Variants in PTPRD observed in about 807,000 individuals in gnomAD.
The protein encoded by PTPRD is protein tyrosine phosphatase receptor type D, also known as receptor-type tyrosine-protein phosphatase delta.
In PTPRD, 34 loss-of-function variants were observed where a neutral mutation model predicts 214.5. The ratio of observed to expected loss-of-function variants is 0.16; its 90% CI spans 0.12 to 0.21. The LOEUF is 0.21. Ranked by LOEUF, PTPRD falls within the 10% of genes least tolerant of loss-of-function variation. The pLI is 1.00. For missense variants in PTPRD, 2,545 were observed against 2,398.7 expected (o/e 1.06, Z -1.27); for synonymous variants, 1,128 against 845.7 (o/e 1.33, Z -5.79).
At chr9:9,050,744 C>T (rs966375055) in intron 10 of PTPRD, among the ~76,000 whole-genome samples, 14 of 152,040 alleles carry the variant, frequency 9.2e-5, no homozygotes, top group South Asian at 2.1e-4. Context: ...ACTATTATAA[C>T]GCTTGTGTTC....
chr9:8,378,781 C>T (rs1179121219), intron 37 of PTPRD, among the ~76,000 whole-genome samples: 1 of 151,894 alleles, frequency 6.6e-6, no homozygotes, highest in Non-Finnish European at 1.5e-5. Flanking sequence ...AACTGGGACT[C>T]GATTACATTT....
chr9:10,161,563 T>G (rs1280735392), intron 3 of PTPRD, among the ~76,000 whole-genome samples: 3 of 151,700 alleles, frequency 2.0e-5, no homozygotes, highest in Non-Finnish European at 3.0e-5. Flanking sequence ...GATTTGCAAA[T>G]CTTAATCGAA....
chr9:10,368,045 G>A (rs2097545504), intron 2 of PTPRD, among the ~76,000 whole-genome samples: 1 of 152,000 alleles, frequency 6.6e-6, no homozygotes, highest in African/African-American at 2.4e-5. Flanking sequence ...TTAGAAATAA[G>A]CTAGGGCTAT....
chr9:9,918,702 CAG>C (rs58081229), intron 5 of PTPRD, among the ~76,000 whole-genome samples: 4,810 of 152,098 alleles, frequency 0.032, 117 homozygotes, highest in African/African-American at 0.076. Context: ...GGCATAAAAA[CAG>C]AAAGAGACCA....
chr9:10,472,463 T>C (rs890813545), intron 2 of PTPRD, among the ~76,000 whole-genome samples: 1 of 152,136 alleles, frequency 6.6e-6, no homozygotes, highest in African/African-American at 2.4e-5. Context: ...GGATGTCTGG[T>C]AAAGCCATTC....
intron 21 of PTPRD, among the ~76,000 whole-genome samples, chr9:8,514,557 T>C (rs1236147178): frequency 6.6e-6 from 1 of 151,972 alleles, no homozygotes; most frequent in Non-Finnish European, 1.5e-5. Context: ...CTAAATGTTT[T>C]CATGTACTTC....
intron 3 of PTPRD, among the ~76,000 whole-genome samples, chr9:10,195,284 G>C (rs2099393462): frequency 6.6e-6 from 1 of 151,972 alleles, no homozygotes; most frequent in African/African-American, 2.4e-5. Flanking sequence ...GGAAAAGGAA[G>C]GTAATGATTG....
At position 9,868,896 on chromosome 9, in the gene PTPRD, T is replaced by C. The variant is rs147755049; in HGVS notation, c.-368+69611A>G. On this transcript the variant is annotated intron_variant, in intron 5 of 45. Coordinates refer to ENST00000381196, the MANE Select transcript of PTPRD (RefSeq NM_002839.4). ...TAAGAGAAAAAGTCTGAAATCAAAATTCCTTTATGTAAGAAAGATATCCTT... is the reference window on the plus strand; with the variant it reads ...TAAGAGAAAAAGTCTGAAATCAAAACTCCTTTATGTAAGAAAGATATCCTT... Among the ~76,000 whole-genome samples the C allele has an allele frequency of 6.2e-3, 938 of 152,166 alleles. 11 individuals carry two copies. The highest frequency in any genetic ancestry group is 0.022 in the African/African-American group (895 of 41,530).
intron 5 of PTPRD, among the ~76,000 whole-genome samples, chr9:9,798,348 G>A (rs2099017224): frequency 1.3e-5 from 2 of 152,100 alleles, no homozygotes; most frequent in African/African-American, 2.4e-5. Flanking sequence ...AGAAACCTGT[G>A]TATTTTTACG....
intron 2 of PTPRD, among the ~76,000 whole-genome samples, chr9:10,587,743 G>A (rs1340261635): frequency 6.6e-6 from 1 of 152,002 alleles, no homozygotes; most frequent in African/African-American, 2.4e-5. Flanking sequence ...CACTTAACAA[G>A]GTACTCAAGA....
At chr9:9,409,898 C>A (rs182694848) in intron 8 of PTPRD, among the ~76,000 whole-genome samples, 17 of 152,130 alleles carry the variant, frequency 1.1e-4, no homozygotes. Flanking sequence ...AAACTTTGGT[C>A]TAACATTGAA....
At chr9:8,855,125 T>C (rs1433539) in intron 11 of PTPRD, among the ~76,000 whole-genome samples, 10,882 of 40,604 alleles carry the variant, frequency 0.27, 401 homozygotes, top group South Asian at 0.37. Flanking sequence ...GAATGCCTAC[T>C]TGAATTTTTT....
chr9:8,466,379 A>G (rs1224432044), intron 31 of PTPRD, among the ~76,000 whole-genome samples: 1 of 151,942 alleles, frequency 6.6e-6, no homozygotes, highest in Admixed American at 6.6e-5. Context: ...GGCAAGGTAG[A>G]TGAAAATTAA....
intron 5 of PTPRD, among the ~76,000 whole-genome samples, chr9:9,861,189 G>A (rs774900469): frequency 3.3e-5 from 5 of 152,168 alleles, no homozygotes; most frequent in Non-Finnish European, 7.3e-5. Flanking sequence ...ATTGGGAGAA[G>A]TAAATATTCT....
chr9:8,790,292 A>G (rs893701196), intron 11 of PTPRD, among the ~76,000 whole-genome samples: 4 of 152,120 alleles, frequency 2.6e-5, no homozygotes, highest in African/African-American at 4.8e-5. Flanking sequence ...TTAAGATTAC[A>G]GGTGTGAGCC....
At chr9:9,879,139 C>T (rs1296790639) in intron 5 of PTPRD, among the ~76,000 whole-genome samples, 2 of 152,180 alleles carry the variant, frequency 1.3e-5, no homozygotes, top group African/African-American at 2.4e-5. Flanking sequence ...GCTCCATTCT[C>T]CATAGAGACA....
intron 9 of PTPRD, among the ~76,000 whole-genome samples, chr9:9,243,952 T>C (rs185661692): frequency 5.9e-4 from 90 of 152,232 alleles, no homozygotes; most frequent in East Asian, 2.9e-3. Context: ...TCTCAGGATA[T>C]AAAATCAATG....
At chr9:10,470,208 A>G (rs966768274) in intron 2 of PTPRD, among the ~76,000 whole-genome samples, 18 of 152,150 alleles carry the variant, frequency 1.2e-4, no homozygotes, top group Admixed American at 9.2e-4. Flanking sequence ...ATATGTTTGT[A>G]TCAAAATATA....
chr9:8,717,520 C>G (rs766137741), intron 12 of PTPRD, among the ~76,000 whole-genome samples: 4 of 152,178 alleles, frequency 2.6e-5, no homozygotes, highest in African/African-American at 7.2e-5. Context: ...TCCAACGCAT[C>G]CTCCACATAG....
Sources: allele counts gnomAD v4.1 joint callset (sites outside exome capture counted in the v4.1 genomes callset), GRCh38; gene constraint gnomAD v4.1.1; transcripts MANE v1.5; gene names NCBI Gene and HGNC (gene_info 2026-07-23, HGNC 2026-07-21).